FIRRM: variants seen among roughly 807,000 people sequenced by gnomAD.
The protein encoded by FIRRM is FIGNL1-interacting regulator of recombination and mitosis.
chr1:169,837,909 G>A, the FIRRM span, among the ~76,000 whole-genome samples: 8 of 152,266 alleles, frequency 5.3e-5, no homozygotes, highest in South Asian at 2.1e-4. Flanking sequence ...TTCTGATACC[G>A]TTATATGTAA....
the FIRRM span, chr1:169,837,158 A>G: frequency 6.7e-7 from 1 of 1,492,634 alleles, no homozygotes. Context: ...GCAGCTGTTT[A>G]TTGAGCATTG....
At chr1:169,810,968 C>T in the FIRRM span, among the ~76,000 whole-genome samples, 2 of 150,874 alleles carry the variant, frequency 1.3e-5, no homozygotes, top group South Asian at 2.1e-4. Flanking sequence ...CACGCCATTC[C>T]CCTGCCTCAG....
the FIRRM span, chr1:169,851,646 G>A: frequency 1.3e-6 from 1 of 751,232 alleles, no homozygotes. Context: ...GAAGAACACA[G>A]TAGAGTGATT....
At chr1:169,784,750 G>T in the FIRRM span, 1 of 152,184 alleles carries the variant, frequency 6.6e-6, no homozygotes, top group African/African-American at 2.4e-5. Context: ...TAGACCCAGG[G>T]TCTTTTCTGT....
chr1:169,796,815 A>T, the FIRRM span, among the ~76,000 whole-genome samples: 1 of 152,188 alleles, frequency 6.6e-6, no homozygotes, highest in Non-Finnish European at 1.5e-5. Context: ...CATTAGGCTC[A>T]CCTACCTCAA....
chr1:169,824,472 A>G, the FIRRM span, among the ~76,000 whole-genome samples: 1 of 152,138 alleles, frequency 6.6e-6, no homozygotes, highest in African/African-American at 2.4e-5. Flanking sequence ...ACGTCCTCCT[A>G]CAAATACCGT....
the FIRRM span, chr1:169,849,985 T>TA: frequency 1.0e-5 from 5 of 485,374 alleles, no homozygotes; most frequent in East Asian, 1.1e-4. Context: ...CCTTTACTCT[T>TA]ACTGCATTTG....
the FIRRM span, among the ~76,000 whole-genome samples, chr1:169,808,397 A>C: frequency 6.6e-6 from 1 of 152,156 alleles, no homozygotes; most frequent in Non-Finnish European, 1.5e-5. Flanking sequence ...TTTTATTTTG[A>C]AAAGTTAGAG....
the FIRRM span, chr1:169,850,107 G>C: frequency 3.3e-6 from 2 of 597,616 alleles, no homozygotes; most frequent in East Asian, 5.6e-5. Context: ...ATTATCCTTA[G>C]GGACCCTGAA....
the FIRRM span, among the ~76,000 whole-genome samples, chr1:169,814,321 T>G: frequency 3.9e-5 from 6 of 152,376 alleles, no homozygotes; most frequent in African/African-American, 1.4e-4. Flanking sequence ...CAGTATTAAA[T>G]CATAACTGCA....
At chr1:169,809,856 T>A in the FIRRM span, among the ~76,000 whole-genome samples, 2 of 152,216 alleles carry the variant, frequency 1.3e-5, no homozygotes, top group South Asian at 4.1e-4. Flanking sequence ...AAGTAAAGTA[T>A]TGAAGTTTTC....
chr1:169,806,638 A>G, the FIRRM span, among the ~76,000 whole-genome samples: 12 of 152,196 alleles, frequency 7.9e-5, no homozygotes, highest in Admixed American at 4.6e-4. Context: ...CTTTATACAC[A>G]TACATAAAAC....
At chr1:169,831,182 T>G in the FIRRM span, among the ~76,000 whole-genome samples, 2 of 152,172 alleles carry the variant, frequency 1.3e-5, no homozygotes, top group South Asian at 2.1e-4. Flanking sequence ...AGTTTGACAT[T>G]GATAGATACT....
At chr1:169,847,850 A>G in the FIRRM span, 314 of 1,308,124 alleles carry the variant, frequency 2.4e-4, no homozygotes, top group African/African-American at 1.5e-3. Context: ...CAAAATCTCT[A>G]TAAGAGTTAG....
At chr1:169,807,741 CT>C in the FIRRM span, 1 of 1,491,114 alleles carries the variant, frequency 6.7e-7, no homozygotes. Context: ...TCCTAAGTTA[CT>C]TGATGTGTTA....
At chr1:169,850,448 TCA>T in the FIRRM span, 5 of 775,882 alleles carry the variant, frequency 6.4e-6, no homozygotes, top group East Asian at 2.7e-5. Flanking sequence ...CTTAAACTTT[TCA>T]CAGTGCTGAG....
At chr1:169,824,652 A>G in the FIRRM span, among the ~76,000 whole-genome samples, 21 of 152,286 alleles carry the variant, frequency 1.4e-4, no homozygotes, top group Admixed American at 9.8e-4. Context: ...CCAGTAGTCA[A>G]TTATAGTCCT....
the FIRRM span, among the ~76,000 whole-genome samples, chr1:169,818,633 T>C: frequency 1.3e-5 from 2 of 152,214 alleles, no homozygotes; most frequent in Non-Finnish European, 2.9e-5. Context: ...TACATATAAA[T>C]ATACAGAAGA....
chr1:169,792,886 C>T, the FIRRM span: 6 of 1,613,984 alleles, frequency 3.7e-6, no homozygotes, highest in African/African-American at 2.7e-5. Flanking sequence ...AAAACTCAGA[C>T]CACTCACCAG....
Sources: allele counts gnomAD v4.1 joint callset (sites outside exome capture counted in the v4.1 genomes callset), GRCh38; gene constraint gnomAD v4.1.1; transcripts MANE v1.5; gene names NCBI Gene and HGNC (gene_info 2026-07-23, HGNC 2026-07-21).